The following SAMSN1 variants were observed in gnomAD, a reference collection of about 807,000 sequenced individuals.
SAMSN1 encodes the protein SAM domain, SH3 domain and nuclear localization signals 1, also known as SAM domain-containing protein SAMSN-1.
Under a neutral mutation model 42.0 loss-of-function variants are expected in SAMSN1, and 31 were observed. That is an observed-to-expected ratio of 0.74 (90% CI 0.55 to 1.00). The LOEUF is 1.00. Ranked by LOEUF, SAMSN1 falls within the 50% of genes least tolerant of loss-of-function variation. SAMSN1 has a pLI of 0.00. For missense variants in SAMSN1, 464 were observed against 439.4 expected (o/e 1.06, Z -0.50); for synonymous variants, 178 against 151.9 (o/e 1.17, Z -1.26).
chr21:14,537,958 G>T lies in SAMSN1; in HGVS notation c.57+8247C>A, dbSNP rs1051338611. On this transcript the variant is annotated intron_variant, in intron 1 of 7. Transcript: ENST00000400566. ...TTCTTAGATTCAAGTCAGCCTTGAT[G>T]AACCTTGAGATACATTTTAACATGT... Among the ~76,000 whole-genome samples the T allele has an allele frequency of 2.2e-4, 33 of 152,276 alleles. 5 individuals are homozygous for T. The highest frequency in any genetic ancestry group is 1.2e-3 in the Admixed American group (19 of 15,304).
intron 1 of SAMSN1, among the ~76,000 whole-genome samples, chr21:14,655,049 A>C (rs1409769934): frequency 6.6e-6 from 1 of 151,924 alleles, no homozygotes; most frequent in African/African-American, 2.4e-5. Flanking sequence ...GAATATATAT[A>C]ATCTCCAAAG....
chr21:14,628,464 G>A (rs975268715), intron 2 of SAMSN1, among the ~76,000 whole-genome samples: 1 of 151,890 alleles, frequency 6.6e-6, no homozygotes, highest in Non-Finnish European at 1.5e-5. Flanking sequence ...AAAAGAAAAA[G>A]TTCATAGACT....
intron 1 of SAMSN1, among the ~76,000 whole-genome samples, chr21:14,545,685 G>A (rs981020380): frequency 7.2e-5 from 11 of 152,020 alleles, no homozygotes; most frequent in Non-Finnish European, 1.3e-4. Context: ...ACATTAGTTC[G>A]AGAGAATAGC....
At chr21:14,614,602 A>G (rs571897665) in intron 3 of SAMSN1, among the ~76,000 whole-genome samples, 1 of 152,338 alleles carries the variant, frequency 6.6e-6, no homozygotes, top group Admixed American at 6.5e-5. Flanking sequence ...AATTAAAACG[A>G]AGGTGACCCT....
At chr21:14,572,060 C>A (rs913279469) in intron 2 of SAMSN1, among the ~76,000 whole-genome samples, 6 of 152,150 alleles carry the variant, frequency 3.9e-5, no homozygotes, top group Non-Finnish European at 8.8e-5. Flanking sequence ...GTCTTTGTCA[C>A]CATTGTGGCC....
intron 1 of SAMSN1, among the ~76,000 whole-genome samples, chr21:14,532,244 C>T (rs183592124): frequency 6.6e-6 from 1 of 152,222 alleles, no homozygotes; most frequent in African/African-American, 2.4e-5. Flanking sequence ...TTTATGCCAC[C>T]TGAGGTTGAG....
chr21:14,570,375 A>G (rs1395002962), intron 2 of SAMSN1, among the ~76,000 whole-genome samples: 1 of 152,180 alleles, frequency 6.6e-6, no homozygotes, highest in African/African-American at 2.4e-5. Context: ...CTTTGTAGAA[A>G]CAATGGCCTA....
chr21:14,499,721 A>G (rs141313262), intron 6 of SAMSN1, among the ~76,000 whole-genome samples: 2 of 152,216 alleles, frequency 1.3e-5, no homozygotes, highest in African/African-American at 4.8e-5. Context: ...GTACATTCTC[A>G]TAGGAATATC....
intron 7 of SAMSN1, chr21:14,591,241 G>T (rs1002124221): frequency 2.6e-5 from 4 of 152,110 alleles, no homozygotes; most frequent in African/African-American, 9.7e-5. Context: ...TCAAATAAAT[G>T]AGTAATTGAA....
intron 2 of SAMSN1, among the ~76,000 whole-genome samples, chr21:14,625,231 C>A (rs1983134056): frequency 6.6e-6 from 1 of 151,954 alleles, no homozygotes; most frequent in Non-Finnish European, 1.5e-5. Flanking sequence ...ACAGGGATGC[C>A]CTCTTTCACC....
intron 2 of SAMSN1, among the ~76,000 whole-genome samples, chr21:14,555,826 C>T (rs779576433): frequency 2.6e-5 from 4 of 152,144 alleles, no homozygotes; most frequent in Non-Finnish European, 5.9e-5. Flanking sequence ...GCAATTCTGT[C>T]CATATTACAA....
intron 5 of SAMSN1, among the ~76,000 whole-genome samples, chr21:14,502,742 A>G (rs1241540036): frequency 1.3e-5 from 2 of 152,208 alleles, no homozygotes; most frequent in Admixed American, 6.5e-5. Flanking sequence ...TAGACATCAG[A>G]TCATTCCATA....
chr21:14,521,164 C>G lies in SAMSN1; in HGVS notation c.115G>C (p.Asp39His), dbSNP rs1322372357. The G allele has an allele frequency of 1.2e-6, 2 of 1,607,870 alleles. No homozygotes were observed. Among genetic ancestry groups the G allele is most frequent in the South Asian group, 2.2e-5 (2 of 90,360 alleles). ...RFRNNSLSKP[D>H]DSTEAHEGDP... is the part of the protein sequence containing the mutation. Reference sequence around the variant, plus strand: ...AAACTACGAACCTCAGTTGAATCATCTGGTTTTGATAAAGAATTATTCCGA... The same window carrying G: ...AAACTACGAACCTCAGTTGAATCATGTGGTTTTGATAAAGAATTATTCCGA... The change falls in exon 2 of 8, where the codon GAT becomes CAT. Residue 39 changes from aspartate (D) to histidine (H), a missense_variant. Physicochemically the swap from Asp to His is moderately conservative, Grantham distance 81 (BLOSUM62 -1). Transcript: ENST00000400566.
chr21:14,658,797 C>T, exon 1 of SAMSN1: 1 of 715,344 alleles, frequency 1.4e-6, no homozygotes, highest in Non-Finnish European at 2.6e-6. Flanking sequence ...TCTCTTGTTG[C>T]CCTGCTTTGA....
intron 6 of SAMSN1, among the ~76,000 whole-genome samples, chr21:14,596,554 A>T (rs1431770157): frequency 6.6e-6 from 1 of 152,172 alleles, no homozygotes; most frequent in African/African-American, 2.4e-5. Flanking sequence ...GGAAGTGATG[A>T]TGTTTAACTT....
At chr21:14,602,202 A>G (rs1196961692) in intron 5 of SAMSN1, 2 of 382,896 alleles carry the variant, frequency 5.2e-6, no homozygotes, top group African/African-American at 2.1e-5. Context: ...TCTGTAAGAC[A>G]TTACATTGGC....
intron 2 of SAMSN1, among the ~76,000 whole-genome samples, chr21:14,616,756 G>T (rs148376455): frequency 1.3e-5 from 2 of 152,306 alleles, no homozygotes; most frequent in East Asian, 3.9e-4. Context: ...GTTTGGCATG[G>T]TAGGAATTTA....
At chr21:14,504,253 G>T (rs1020802159) in intron 5 of SAMSN1, among the ~76,000 whole-genome samples, 8 of 151,940 alleles carry the variant, frequency 5.3e-5, no homozygotes, top group Non-Finnish European at 1.2e-4. Context: ...AAACCAAGAA[G>T]AAATCCCTGA....
At chr21:14,637,067 C>A (rs781498891) in intron 2 of SAMSN1, among the ~76,000 whole-genome samples, 1 of 152,256 alleles carries the variant, frequency 6.6e-6, no homozygotes, top group African/African-American at 2.4e-5. Flanking sequence ...AATTTCAAGC[C>A]TTCAATCCTA....
Sources: allele counts gnomAD v4.1 joint callset (sites outside exome capture counted in the v4.1 genomes callset), GRCh38; gene constraint gnomAD v4.1.1; transcripts MANE v1.5; gene names NCBI Gene and HGNC (gene_info 2026-07-23, HGNC 2026-07-21).